The following CCSER1 variants were observed in gnomAD, a reference collection of about 807,000 sequenced individuals.
CCSER1 encodes the protein coiled-coil serine rich protein 1.
In CCSER1, 41 loss-of-function variants were observed where a neutral mutation model predicts 82.0. The observed-to-expected ratio is 0.50, with a 90% CI of 0.39 to 0.65. CCSER1 has a LOEUF of 0.65. Among genes scored for constraint, CCSER1 ranks in the 30% least tolerant of loss-of-function variants. CCSER1 has a pLI of 0.00. For synonymous variants in CCSER1, 414 were observed against 383.9 expected, an observed-to-expected ratio of 1.08 and a Z score of -0.92; for missense variants, 1,119 against 1,064.2, an observed-to-expected ratio of 1.05 and a Z score of -0.72.
chr4:91,398,532 C>G (rs1752129582), intron 10 of CCSER1, among the ~76,000 whole-genome samples: 1 of 151,732 alleles, frequency 6.6e-6, no homozygotes, highest in South Asian at 2.1e-4. Context: ...GAGACAAAAG[C>G]ACAGAATTAA....
At chr4:91,016,368 T>C (rs546430100) in intron 9 of CCSER1, among the ~76,000 whole-genome samples, 4 of 152,140 alleles carry the variant, frequency 2.6e-5, no homozygotes, top group African/African-American at 9.6e-5. Flanking sequence ...TCATTGACTT[T>C]AGAAAGCAAC....
At chr4:90,923,480 A>C in intron 9 of CCSER1, 33 bp downstream of exon 9, 1 of 1,429,106 alleles carries the variant, frequency 7.0e-7, no homozygotes, top group South Asian at 1.2e-5. Context: ...TTTTAACTTC[A>C]TTATTGGCAT....
chr4:91,304,591 A>C (rs1464382740), intron 10 of CCSER1, among the ~76,000 whole-genome samples: 5 of 152,020 alleles, frequency 3.3e-5, no homozygotes, highest in African/African-American at 7.2e-5. Context: ...CACACATCAC[A>C]TACGTTCCTC....
At chr4:91,117,500 T>C (rs896414601) in intron 10 of CCSER1, among the ~76,000 whole-genome samples, 3 of 152,240 alleles carry the variant, frequency 2.0e-5, no homozygotes, top group Non-Finnish European at 4.4e-5. Context: ...TGTAAATGCT[T>C]ATTAAGTGGA....
intron 5 of CCSER1, among the ~76,000 whole-genome samples, chr4:90,595,367 A>C (rs2148715635): frequency 6.6e-6 from 1 of 152,126 alleles, no homozygotes; most frequent in East Asian, 1.9e-4. Flanking sequence ...AGGCACTTGA[A>C]ATATTTATAT....
At chr4:90,854,056 T>C (rs572862643) in intron 8 of CCSER1, among the ~76,000 whole-genome samples, 2 of 152,178 alleles carry the variant, frequency 1.3e-5, no homozygotes, top group African/African-American at 4.8e-5. Flanking sequence ...TGAATTATCA[T>C]TTATTTCAGT....
At chr4:90,774,571 T>C (rs915675512) in intron 7 of CCSER1, among the ~76,000 whole-genome samples, 1 of 152,154 alleles carries the variant, frequency 6.6e-6, no homozygotes, top group African/African-American at 2.4e-5. Flanking sequence ...TTTAAAGTAC[T>C]GTACTTTGCA....
intron 5 of CCSER1, among the ~76,000 whole-genome samples, chr4:90,568,152 T>C (rs1779627519): frequency 6.6e-6 from 1 of 152,236 alleles, no homozygotes; most frequent in South Asian, 2.1e-4. Flanking sequence ...GAGAATAATA[T>C]GTATTCTTCA....
chr4:90,896,315 C>G lies in CCSER1; in HGVS notation c.2095-27055C>G, dbSNP rs138458760. Among the ~76,000 whole-genome samples the G allele has an allele frequency of 1.6e-3, 248 of 151,904 alleles. 1 individual carries two copies. The highest frequency in any genetic ancestry group is 5.7e-3 in the African/African-American group (237 of 41,500). On this transcript the variant is annotated intron_variant, in intron 8 of 10. Transcript: ENST00000509176. Reference sequence around the variant, plus strand: ...TAGGCAAACTGACATATGGGATGGGCATTGTTAAAAAGAAGTTGTATAGAT... The same window carrying G: ...TAGGCAAACTGACATATGGGATGGGGATTGTTAAAAAGAAGTTGTATAGAT...
At chr4:90,543,262 A>G (rs1481614195) in intron 5 of CCSER1, among the ~76,000 whole-genome samples, 1 of 152,116 alleles carries the variant, frequency 6.6e-6, no homozygotes, top group East Asian at 1.9e-4. Flanking sequence ...AAACACACTG[A>G]GTTACTATAA....
chr4:90,749,568 T>G (rs941415850), intron 7 of CCSER1, among the ~76,000 whole-genome samples: 1 of 152,120 alleles, frequency 6.6e-6, no homozygotes, highest in Admixed American at 6.6e-5. Context: ...TTTCCAATTC[T>G]GTGAACAAAG....
intron 10 of CCSER1, among the ~76,000 whole-genome samples, chr4:91,456,953 A>T (rs961999717): frequency 6.6e-6 from 1 of 152,114 alleles, no homozygotes; most frequent in Non-Finnish European, 1.5e-5. Context: ...CGTGTCATAT[A>T]CCTGTATCAT....
chr4:90,388,254 A>G (rs972399163), intron 3 of CCSER1, among the ~76,000 whole-genome samples: 4 of 152,190 alleles, frequency 2.6e-5, no homozygotes, highest in Non-Finnish European at 4.4e-5. Flanking sequence ...ATACTGTGTT[A>G]TTTGACACAA....
chr4:90,770,065 C>T (rs989748306), intron 7 of CCSER1, among the ~76,000 whole-genome samples: 3 of 152,178 alleles, frequency 2.0e-5, no homozygotes, highest in African/African-American at 7.2e-5. Context: ...CTCACTCTCC[C>T]TTGGATCCCT....
chr4:91,529,177 G>A (rs1760908700), intron 10 of CCSER1, among the ~76,000 whole-genome samples: 1 of 152,068 alleles, frequency 6.6e-6, no homozygotes, highest in African/African-American at 2.4e-5. Flanking sequence ...ATGTAAGAAG[G>A]AAAATTCTAA....
chr4:91,007,509 C>T (rs1489029608), intron 9 of CCSER1, among the ~76,000 whole-genome samples: 11 of 151,838 alleles, frequency 7.2e-5, no homozygotes, highest in Non-Finnish European at 1.5e-4. Flanking sequence ...GCTTAAATCC[C>T]GGTAGCTTGT....
At chr4:90,599,615 G>A (rs2148742014) in intron 5 of CCSER1, among the ~76,000 whole-genome samples, 1 of 152,234 alleles carries the variant, frequency 6.6e-6, no homozygotes, top group South Asian at 2.1e-4. Flanking sequence ...ATCCAGACTT[G>A]GGGATGGGAT....
In CCSER1 at chr4:90,881,023, C is replaced by T. The variant is rs970014934; in HGVS notation, c.2095-42347C>T. On this transcript the variant is annotated intron_variant, in intron 8 of 10. Coordinates refer to ENST00000509176, the MANE Select transcript of CCSER1 (RefSeq NM_001145065.2). ...CGCACACTAGCTGCTTCTAGTCGACCATCTTGGCCACCTCCCTAAAAATTA... is the reference window on the plus strand; with the variant it reads ...CGCACACTAGCTGCTTCTAGTCGACTATCTTGGCCACCTCCCTAAAAATTA... Among the ~76,000 whole-genome samples, 4 of 147,896 alleles carry T rather than the reference C, an allele frequency of 2.7e-5. No individual in the cohort carries two copies. In the East Asian group the frequency reaches 5.9e-4, roughly 22 times the overall value.
At chr4:90,447,909 ATAT>A (rs1760883923) in intron 4 of CCSER1, among the ~76,000 whole-genome samples, 1 of 152,180 alleles carries the variant, frequency 6.6e-6, no homozygotes, top group African/African-American at 2.4e-5. Flanking sequence ...TGCTTTTAAA[ATAT>A]TATAGAGTTA....
Sources: gnomAD v4.1 joint callset for allele counts (sites outside exome capture counted in the v4.1 genomes callset) on GRCh38, gnomAD v4.1.1 for gene constraint, MANE v1.5 for transcripts, NCBI Gene and HGNC (gene_info 2026-07-23, HGNC 2026-07-21) for gene names.